The following TRABD variants were observed in gnomAD, a reference collection of about 807,000 sequenced individuals.
The protein encoded by TRABD is traB domain-containing protein.
A neutral mutation model predicts 39.6 loss-of-function variants in TRABD; 23 were observed. That is an observed-to-expected ratio of 0.58 (90% CI 0.42 to 0.82). The LOEUF is 0.82. Ranked by LOEUF, TRABD falls within the 40% of genes least tolerant of loss-of-function variation. The pLI is 0.00. For synonymous variants in TRABD, 243 were observed against 232.1 expected (o/e 1.05, Z -0.43); for missense variants, 487 against 544.9 (o/e 0.89, Z 1.06).
chr22:50,193,139 C>T, intron 2 of TRABD, 46 bp downstream of exon 2: 1 of 1,510,892 alleles, frequency 6.6e-7, no homozygotes. Flanking sequence ...GGGCGGGGGG[C>T]TTCCCCGCTT....
Position 50,198,095 on chromosome 22 carries a change from C to T in TRABD, c.865C>T (p.Pro289Ser), listed in dbSNP as rs769104185. ...ASDAEPRKCV[P>S]SVVVGVVGMG... The stretch of plus-strand genomic sequence containing the variant: ...CACAGCCGAGCCCAGGAAGTGCGTC[C>T]CCTCCGTGGTCGTGGGCGTCGTGGG... The change falls in exon 9 of 10, where the codon CCC (proline) becomes TCC (serine). Residue 289 changes from proline to serine, a missense_variant. Physicochemically the swap from Pro to Ser is moderately conservative, Grantham distance 74 (BLOSUM62 -1). Transcript: ENST00000380909. The surrounding 1 kb of genome is among the most constrained non-coding windows in gnomAD (Gnocchi z 7.9). 1.9e-6 allele frequency: 3 copies of T among 1,612,658 alleles called. No homozygotes were observed. The highest frequency in any genetic ancestry group is 2.5e-6 in the Non-Finnish European group (3 of 1,179,738).
rs1001278134 is a variant in TRABD, at chr22:50,187,312, G to C, written c.-35+1336G>C. ...GCTCAGGTGTGTTTCCCGTCTCCCA[G>C]CTCTGCCACACCTGCGTGAAGCGGT... On this transcript the variant is annotated intron_variant, in intron 1 of 9. Transcript: ENST00000380909. Among the ~76,000 whole-genome samples, 10 of 152,246 alleles carry C rather than the reference G, an allele frequency of 6.6e-5. 1 individual carries two copies. Among genetic ancestry groups the C allele is most frequent in the Non-Finnish European group, 1.3e-4 (9 of 68,038 alleles).
At position 50,198,952 on chromosome 22, in the gene TRABD, C is replaced by A; in HGVS notation, c.*433C>A. The A allele has an allele frequency of 1.7e-6, 1 of 602,576 alleles. No individual in the cohort carries two copies. Among genetic ancestry groups the A allele is most frequent in the Non-Finnish European group, 3.0e-6 (1 of 330,318 alleles). 37.3% of individuals were successfully genotyped at this position (602,576 alleles called of 1,614,324 possible). A position where few individuals can be genotyped will look rare whatever the true frequency, so the allele number is the denominator to read the frequency against. On this transcript the variant is annotated 3_prime_UTR_variant, in exon 10 of 10. Coordinates refer to ENST00000380909, the MANE Select transcript of TRABD (RefSeq NM_001320485.2). This position sits in a 1 kb window ranked among gnomAD's most constrained non-coding sequence, Gnocchi z 7.9. ...CGGCTCCTGGGGGCTCCAGGGCAGG[C>A]GAGACTGGGAAAGGCCCAGCCCTGG...
At position 50,195,878 on chromosome 22, in the gene TRABD, C is replaced by T. The variant is rs191687048; in HGVS notation, c.420+838C>T. The stretch of plus-strand genomic sequence containing the variant: ...GAGATCTTATAGAAATGTCCCTAAA[C>T]GTTTGGCGCCTGCCTTTCATTTTTT... On this transcript the variant is annotated intron_variant, in intron 5 of 9. Coordinates refer to ENST00000380909, the MANE Select transcript of TRABD (RefSeq NM_001320485.2). Among the ~76,000 whole-genome samples, 21 of 152,084 alleles carry T rather than the reference C, an allele frequency of 1.4e-4. No individual in the cohort carries two copies. The East Asian group carries it at 3.5e-3, about 25-fold the overall frequency.
chr22:50,197,850 G>T lies in TRABD; in HGVS notation c.699G>T (p.Gln233His). The change falls in exon 8 of 10, where the codon CAG becomes CAT. Residue 233 changes from glutamine to histidine, a missense_variant. This residue lies in a region of TRABD where 358 missense variants were observed against 414.7 expected (regional missense o/e 0.86). Coordinates refer to ENST00000380909, the MANE Select transcript of TRABD (RefSeq NM_001320485.2). ...ISKDDVERCK[Q>H]KDLLEQMMAE... ...AGGATGACGTGGAACGCTGCAAGCAGAAGGACCTACTGGAGCAGATGATGG... is the reference window on the plus strand; with the variant it reads ...AGGATGACGTGGAACGCTGCAAGCATAAGGACCTACTGGAGCAGATGATGG... The T allele has an allele frequency of 6.5e-7, 1 of 1,529,072 alleles. No individual in the cohort carries two copies. 94.7% of individuals were successfully genotyped at this position (1,529,072 alleles called of 1,614,324 possible).
chr22:50,198,165 T>G lies in TRABD; in HGVS notation c.935T>G (p.Leu312Arg). ...PGIEKNWSTD[L>R]NIQEIMTVPP... ...ATCGAGAAGAACTGGAGCACCGACC[T>G]CAACATCCAGGAGATCATGACGTGA... Residue 312 changes from leucine (L) to arginine (R), a missense_variant, in exon 9 of 10, where the codon CTC (leucine) becomes CGC (arginine). Around this residue, in one of 3 missense-constraint regions of TRABD, gnomAD observed 123 missense variants for 108.3 expected, o/e 1.14. Transcript: ENST00000380909. This position sits in a 1 kb window ranked among gnomAD's most constrained non-coding sequence, Gnocchi z 7.9. The G allele has an allele frequency of 2.5e-6, 4 of 1,611,846 alleles. No individual in the cohort carries two copies. The highest frequency in any genetic ancestry group is 2.5e-6 in the Non-Finnish European group (3 of 1,179,412).
chr22:50,186,653 C>A (rs2063767346), intron 1 of TRABD, among the ~76,000 whole-genome samples: 1 of 152,158 alleles, frequency 6.6e-6, no homozygotes, highest in Admixed American at 6.5e-5. Flanking sequence ...GGAGGCCGAG[C>A]GGGAGGCCCC....
At position 50,198,405 on chromosome 22, in the gene TRABD, C is replaced by T. The variant is rs767007512; in HGVS notation, c.1017C>T (p.Phe339=). ...GGTTGGCCGTGAAGGCCGCCTTCTT[C>T]GGCCTGCTGGGCTACAGCCTGTACT... is the stretch of plus-strand genomic sequence containing the variant. The part of the protein sequence containing the change: ...VSRLAVKAAF[F]GLLGYSLYWM... Residue 339 remains phenylalanine, a synonymous_variant, in exon 10 of 10, where the codon TTC becomes TTT. Transcript: ENST00000380909. The surrounding 1 kb of genome is among the most constrained non-coding windows in gnomAD (Gnocchi z 7.9). 63 of 1,595,614 alleles carry T rather than the reference C, an allele frequency of 3.9e-5. No homozygotes were observed. The highest frequency in any genetic ancestry group is 1.1e-4 in the East Asian group (5 of 44,648).
chr22:50,194,875 G>A (rs367758121), intron 4 of TRABD, 25 bp from the exon 5 acceptor site: 45 of 1,608,182 alleles, frequency 2.8e-5, no homozygotes, highest in Admixed American at 1.5e-4. Context: ...CTGTGTTCTC[G>A]AGGTGTGACC....
chr22:50,197,765 C>CCCCCCCCCCCCCCCCCCCAGG (rs2147138226), intron 7 of TRABD, 58 bp from the exon 8 acceptor site: 23 of 753,994 alleles, frequency 3.1e-5, no homozygotes, highest in East Asian at 1.1e-4. Context: ...ACAGTGCCAG[C>CCCCCCCCCCCCCCCCCCCAGG]CCCACCCCCC....
chr22:50,195,297 G>C (rs901453518), intron 5 of TRABD, among the ~76,000 whole-genome samples: 1 of 152,018 alleles, frequency 6.6e-6, no homozygotes, highest in African/African-American at 2.4e-5. Context: ...GGACTGGGTT[G>C]CTGAGCAGTT....
chr22:50,197,763 A>AGCCCCCCCCCCCCCCCCCCTG, intron 7 of TRABD, 60 bp from the exon 8 acceptor site: 1 of 1,439,784 alleles, frequency 6.9e-7, no homozygotes, highest in Non-Finnish European at 9.7e-7. Context: ...CCACAGTGCC[A>AGCCCCCCCCCCCCCCCCCCTG]GCCCCACCCC....
chr22:50,188,099 G>A (rs1004738630), intron 1 of TRABD, among the ~76,000 whole-genome samples: 5 of 151,602 alleles, frequency 3.3e-5, no homozygotes, highest in African/African-American at 7.3e-5. Context: ...GGCCAAGATG[G>A]TGAAACCCCA....
intron 1 of TRABD, among the ~76,000 whole-genome samples, chr22:50,187,496 C>A (rs1201107881): frequency 6.6e-6 from 1 of 152,210 alleles, no homozygotes; most frequent in Non-Finnish European, 1.5e-5. Context: ...GCTTTCTGAG[C>A]CGGTCTAGTG....
At chr22:50,186,968 G>T (rs1433668997) in intron 1 of TRABD, among the ~76,000 whole-genome samples, 1 of 152,224 alleles carries the variant, frequency 6.6e-6, no homozygotes, top group African/African-American at 2.4e-5. Context: ...CCGCAGCCTC[G>T]GTAGCCTCCA....
At position 50,197,558 on chromosome 22, in the gene TRABD, G is replaced by A. The variant is rs752533357; in HGVS notation, c.641G>A (p.Trp214Ter). Residue 214 changes from tryptophan (W) to a stop codon, truncating the protein, a stop_gained, in exon 7 of 10, where the codon TGG becomes TAG. Transcript: ENST00000380909. LOFTEE classifies it high-confidence loss of function. ...LSFWQKVRLA[W>*]GLCFLSDPIS... Reference sequence around the variant, plus strand: ...TTCTGGCAGAAGGTCAGGCTGGCTTGGGGCCTGTGCTTCCTGTCAGACCCC... The same window carrying A: ...TTCTGGCAGAAGGTCAGGCTGGCTTAGGGCCTGTGCTTCCTGTCAGACCCC... 6.2e-7 allele frequency: 1 copy of A among 1,613,142 alleles called. No individual in the cohort carries two copies. The highest frequency in any genetic ancestry group is 8.5e-7 in the Non-Finnish European group (1 of 1,180,012).
chr22:50,198,821 G>A lies in TRABD; in HGVS notation c.*302G>A, dbSNP rs1247494381. Reference sequence around the variant, plus strand: ...GCAGGGGCTTATAGGAGGGGCCGAGGCGTGCGCTGCCCTCTCAGCCCTGGT... The same window carrying A: ...GCAGGGGCTTATAGGAGGGGCCGAGACGTGCGCTGCCCTCTCAGCCCTGGT... On this transcript the variant is annotated 3_prime_UTR_variant, in exon 10 of 10. Coordinates refer to ENST00000380909, the MANE Select transcript of TRABD (RefSeq NM_001320485.2). The surrounding 1 kb of genome is among the most constrained non-coding windows in gnomAD (Gnocchi z 7.9). 2 of 545,590 alleles carry A rather than the reference G, an allele frequency of 3.7e-6. No individual in the cohort carries two copies. Among genetic ancestry groups the A allele is most frequent in the Non-Finnish European group, 6.5e-6 (2 of 307,746 alleles). The allele number at this position is 545,590 out of a possible 1,614,324, so 33.8% of individuals were successfully genotyped here.
At chr22:50,193,517 G>A (rs572479491) in intron 2 of TRABD, 59 bp from the exon 3 acceptor site, 175 of 1,541,506 alleles carry the variant, frequency 1.1e-4, no homozygotes, top group Non-Finnish European at 1.2e-4. Context: ...GAGTTGCCAC[G>A]GAGCCCTGGC....
At chr22:50,195,159 C>A in intron 5 of TRABD, 119 bp downstream of exon 5, 1 of 1,331,586 alleles carries the variant, frequency 7.5e-7, no homozygotes, top group Non-Finnish European at 1.0e-6. Context: ...CCTGGCCTGC[C>A]CTGGGGATTG....
Sources: gnomAD v4.1 joint callset for allele counts (sites outside exome capture counted in the v4.1 genomes callset) on GRCh38, gnomAD v4.1.1 for gene constraint, gnomAD v4.1.1 regional missense constraint, Gnocchi (gnomAD v3.1) non-coding constraint, MANE v1.5 for transcripts, NCBI Gene and HGNC (gene_info 2026-07-23, HGNC 2026-07-21) for gene names.